BTLA: variants seen among roughly 807,000 people sequenced by gnomAD.
The protein encoded by BTLA is B- and T-lymphocyte attenuator.
A neutral mutation model predicts 25.0 loss-of-function variants in BTLA; 11 were observed. The observed-to-expected ratio is 0.44, with a 90% CI of 0.28 to 0.73. BTLA has a LOEUF of 0.73. Among genes scored for constraint, BTLA ranks in the 30% least tolerant of loss-of-function variants. BTLA has a pLI of 0.15. For synonymous variants in BTLA, 104 were observed against 119.8 expected, an observed-to-expected ratio of 0.87 and a Z score of 0.86; for missense variants, 282 against 332.8, an observed-to-expected ratio of 0.85 and a Z score of 1.19.
At chr3:112,488,313 CCCGGGTTCACGCCATT>C (rs1429971398) in intron 1 of BTLA, among the ~76,000 whole-genome samples, 1 of 148,690 alleles carries the variant, frequency 6.7e-6, no homozygotes, top group Non-Finnish European at 1.5e-5. Context: ...CTGCAAGCCT[CCCGGGTTCACGCCATT>C]CTCCTGCCTC....
chr3:112,493,654 A>C (rs2082392562), intron 1 of BTLA, among the ~76,000 whole-genome samples: 1 of 152,152 alleles, frequency 6.6e-6, no homozygotes, highest in African/African-American at 2.4e-5. Flanking sequence ...GGCGTGTCCC[A>C]CCACGCCCAG....
chr3:112,490,604 A>AACACACACACACACACAC (rs55894234), intron 1 of BTLA, among the ~76,000 whole-genome samples: 1 of 142,258 alleles, frequency 7.0e-6, no homozygotes, highest in African/African-American at 2.6e-5. Flanking sequence ...TCCCTGGGTA[A>AACACACACACACACACAC]ACACACACAC....
chr3:112,471,809 T>C (rs1239857279), intron 2 of BTLA, among the ~76,000 whole-genome samples: 1 of 152,198 alleles, frequency 6.6e-6, no homozygotes, highest in Non-Finnish European at 1.5e-5. Context: ...TTCAACACAA[T>C]GTCCTTTCCT....
chr3:112,479,314 A>G (rs895872789), intron 2 of BTLA, 141 bp downstream of exon 2: 9 of 766,856 alleles, frequency 1.2e-5, no homozygotes, highest in Non-Finnish European at 1.9e-5. Context: ...ACACTGGCAC[A>G]TAACAATCTG....
At chr3:112,470,777 T>C (rs1462740183) in intron 3 of BTLA, among the ~76,000 whole-genome samples, 1 of 152,200 alleles carries the variant, frequency 6.6e-6, no homozygotes, top group Non-Finnish European at 1.5e-5. Flanking sequence ...GGTTCTTCAG[T>C]TACATAAGGG....
At chr3:112,499,530 A>G (rs1576697908), upstream of BTLA, 5 of 544,534 alleles carry the variant, frequency 9.2e-6, no homozygotes, top group Admixed American at 1.6e-4. Context: ...AAGAGCCTGG[A>G]TGATTTTGTG....
At chr3:112,467,299 G>C (rs983918504) in intron 4 of BTLA, among the ~76,000 whole-genome samples, 1 of 152,138 alleles carries the variant, frequency 6.6e-6, no homozygotes, top group South Asian at 2.1e-4. Flanking sequence ...AAATATCTTA[G>C]AGCTTCTAAG....
At chr3:112,487,990 C>T (rs1046479621) in intron 1 of BTLA, among the ~76,000 whole-genome samples, 2 of 152,166 alleles carry the variant, frequency 1.3e-5, no homozygotes, top group East Asian at 1.9e-4. Context: ...GGGGAGCCAT[C>T]TTAGTCTCCT....
At position 112,464,176 on chromosome 3, in the gene BTLA, T is replaced by G. The variant is rs951406105; in HGVS notation, c.*1932A>C. On this transcript the variant is annotated 3_prime_UTR_variant, in exon 5 of 5. Transcript: ENST00000334529. ...ACCATTTTGAAAAGGAATAAAAACA[T>G]AAATGATTTGTGATTTTGGCAAACA... 10 of 397,886 alleles carry G rather than the reference T, an allele frequency of 2.5e-5. No individual in the cohort carries two copies. The highest frequency in any genetic ancestry group is 1.6e-4 in the African/African-American group (8 of 48,590). 24.6% of individuals were successfully genotyped at this position (397,886 alleles called of 1,614,324 possible).
At chr3:112,466,432 G>A in intron 4 of BTLA, 49 bp from the exon 5 acceptor site, 1 of 1,477,776 alleles carries the variant, frequency 6.8e-7, no homozygotes, top group Non-Finnish European at 9.0e-7. Flanking sequence ...GGCCATGGTA[G>A]TGCATATTCA....
chr3:112,471,203 A>G lies in BTLA; in HGVS notation c.547+9T>C. 2 of 1,613,542 alleles carry G rather than the reference A, an allele frequency of 1.2e-6. No individual in the cohort carries two copies. Among genetic ancestry groups the G allele is most frequent in the Admixed American group, 1.7e-5 (1 of 59,954 alleles). On this transcript the variant is annotated intron_variant, in intron 3 of 4. Transcript: ENST00000334529. ...GTGGTACTGGGGGCAGAGGGAAAAT[A>G]GAACCCACCTTGGTGCCTTCTCAGG...
At chr3:112,494,513 A>G (rs574700539) in intron 1 of BTLA, among the ~76,000 whole-genome samples, 2 of 152,366 alleles carry the variant, frequency 1.3e-5, no homozygotes, top group Non-Finnish European at 2.9e-5. Flanking sequence ...CCAAATGCCC[A>G]TCAATGATAG....
chr3:112,497,364 C>T (rs972517741), intron 1 of BTLA, among the ~76,000 whole-genome samples: 2 of 152,268 alleles, frequency 1.3e-5, no homozygotes, highest in African/African-American at 2.4e-5. Flanking sequence ...AGAGAAGAGA[C>T]TTAATCAATG....
intron 1 of BTLA, among the ~76,000 whole-genome samples, chr3:112,487,067 T>C (rs1308110371): frequency 6.6e-6 from 1 of 152,238 alleles, no homozygotes; most frequent in Non-Finnish European, 1.5e-5. Context: ...GAATGGTATA[T>C]GTCCAAGGCC....
intron 3 of BTLA, among the ~76,000 whole-genome samples, chr3:112,470,888 G>A (rs915230727): frequency 1.3e-5 from 2 of 152,198 alleles, no homozygotes; most frequent in African/African-American, 4.8e-5. Flanking sequence ...TTCCAATCCT[G>A]TTAAGGTTTA....
At chr3:112,483,165 G>A (rs1416613694) in intron 1 of BTLA, among the ~76,000 whole-genome samples, 1 of 36,072 alleles carries the variant, frequency 2.8e-5, no homozygotes, top group Non-Finnish European at 4.4e-5. Flanking sequence ...TTTTTTTTTT[G>A]AGACAAGAGT....
intron 2 of BTLA, among the ~76,000 whole-genome samples, chr3:112,476,102 G>T (rs982428379): frequency 6.6e-6 from 1 of 152,130 alleles, no homozygotes; most frequent in Admixed American, 6.5e-5. Context: ...CCATGTGCCA[G>T]GTACCCTGCC....
chr3:112,486,594 T>C (rs941099373), intron 1 of BTLA, among the ~76,000 whole-genome samples: 4 of 152,200 alleles, frequency 2.6e-5, no homozygotes, highest in African/African-American at 9.7e-5. Flanking sequence ...TAAATAGTTG[T>C]CCAATAACTA....
intron 1 of BTLA, among the ~76,000 whole-genome samples, chr3:112,482,479 C>G (rs1025581535): frequency 5.9e-5 from 9 of 152,126 alleles, no homozygotes; most frequent in African/African-American, 2.2e-4. Flanking sequence ...ATTTCTACAC[C>G]CTTGCCAGCA....
Sources: allele counts gnomAD v4.1 joint callset (sites outside exome capture counted in the v4.1 genomes callset), GRCh38; gene constraint gnomAD v4.1.1; transcripts MANE v1.5; gene names NCBI Gene and HGNC (gene_info 2026-07-23, HGNC 2026-07-21).